MIGA2: variants seen among roughly 807,000 people sequenced by gnomAD.
MIGA2 encodes mitoguardin 2, also known as family with sequence similarity 73, member B.
In MIGA2, 36 loss-of-function variants were observed where a neutral mutation model predicts 69.9. That is an observed-to-expected ratio of 0.52 (90% confidence interval 0.39 to 0.68). The LOEUF is 0.68. Among genes scored for constraint, MIGA2 ranks in the 30% least tolerant of loss-of-function variants. The pLI is 0.00. For synonymous variants in MIGA2, 333 were observed against 349.2 expected (o/e 0.95, Z 0.52); for missense variants, 660 against 787.7 (o/e 0.84, Z 1.94).
intron 3 of MIGA2, among the ~76,000 whole-genome samples, chr9:129,047,659 C>T (rs1028277026): frequency 2.0e-5 from 3 of 151,712 alleles, no homozygotes; most frequent in Admixed American, 2.0e-4. Context: ...GTGATCCACC[C>T]ACCTCGGCCT....
intron 2 of MIGA2, chr9:129,041,994 T>C: frequency 5.3e-6 from 2 of 375,178 alleles, no homozygotes; most frequent in Non-Finnish European, 1.0e-5. Flanking sequence ...CCAGGCTAGG[T>C]CCTAGTGCAG....
intron 3 of MIGA2, 23 bp from the exon 4 acceptor site, chr9:129,048,404 G>T (rs371781913): frequency 1.3e-6 from 2 of 1,599,730 alleles, no homozygotes; most frequent in Non-Finnish European, 1.7e-6. Flanking sequence ...CCTGTGTGAC[G>T]CCTGCCCTTC....
rs1161193152 is a variant in MIGA2, at chr9:129,069,955, C to A, written c.1565C>A (p.Ala522Asp). Residue 522 changes from alanine to aspartate, a missense_variant, in exon 15 of 16, where the codon GCT (alanine) becomes GAT (aspartate). By Grantham distance (126) the Ala-to-Asp change is moderately radical (BLOSUM62 -2). Around this residue, in one of 3 missense-constraint regions of MIGA2, gnomAD observed 220 missense variants for 301.7 expected, o/e 0.73. Transcript: ENST00000684074. The surrounding 1 kb of genome is among the most constrained non-coding windows in gnomAD (Gnocchi z 4.9). ...GPKPQLAEVC[A>D]FFKHQIVQYL... Reference sequence around the variant, plus strand: ...AAGCCTCAGCTTGCTGAAGTCTGTGCTTTCTTCAAGGTAAACAGAGAGCAG... The same window carrying A: ...AAGCCTCAGCTTGCTGAAGTCTGTGATTTCTTCAAGGTAAACAGAGAGCAG... The A allele has an allele frequency of 1.9e-6, 3 of 1,605,764 alleles. No individual in the cohort carries two copies. In the African/African-American group the frequency reaches 4.0e-5, roughly 22 times the overall value.
At chr9:129,042,279 C>T (rs372752583) in intron 2 of MIGA2, 25 bp from the exon 3 acceptor site, 130 of 1,608,474 alleles carry the variant, frequency 8.1e-5, no homozygotes, top group African/African-American at 6.4e-4. Context: ...GAGGTGTAAC[C>T]GGCAGCGTCT....
chr9:129,045,463 A>AAAAAAAGC (rs1554839071), intron 3 of MIGA2, among the ~76,000 whole-genome samples: 2 of 144,858 alleles, frequency 1.4e-5, no homozygotes, highest in African/African-American at 2.7e-5. Context: ...AAAAAAAAAA[A>AAAAAAAGC]AAAAGCAAAA....
intron 6 of MIGA2, among the ~76,000 whole-genome samples, chr9:129,051,658 G>T (rs1341932825): frequency 6.6e-6 from 1 of 151,424 alleles, no homozygotes; most frequent in Non-Finnish European, 1.5e-5. Context: ...GTGCAGTGGC[G>T]TGATCTCGGC....
intron 6 of MIGA2, among the ~76,000 whole-genome samples, chr9:129,050,508 C>T (rs949618698): frequency 6.6e-6 from 1 of 151,418 alleles, no homozygotes; most frequent in Non-Finnish European, 1.5e-5. Flanking sequence ...CTCTTGACCT[C>T]ATGATCCACC....
intron 6 of MIGA2, among the ~76,000 whole-genome samples, chr9:129,056,142 A>C (rs1032178866): frequency 6.6e-6 from 1 of 152,008 alleles, no homozygotes; most frequent in African/African-American, 2.4e-5. Context: ...AAAAAAAAAA[A>C]AAAAAAACTT....
intron 6 of MIGA2, among the ~76,000 whole-genome samples, chr9:129,056,149 A>G (rs1316505627): frequency 6.7e-6 from 1 of 149,880 alleles, no homozygotes; most frequent in African/African-American, 2.5e-5. Context: ...AAAAAAAAAA[A>G]CTTATGTTGT....
At position 129,060,918 on chromosome 9, in the gene MIGA2, G is replaced by T. The variant is rs1232628489; in HGVS notation, c.894+268G>T. The stretch of plus-strand genomic sequence containing the variant: ...CCTTCTCCAGACCGCTGTGCCCATT[G>T]TTTGGCCTCAGTCTCCTGCCATGGG... On this transcript the variant is annotated intron_variant, in intron 8 of 15. Transcript: ENST00000684074. This position sits in a 1 kb window ranked among gnomAD's most constrained non-coding sequence, Gnocchi z 4.8. 6.6e-6 allele frequency among the ~76,000 whole-genome samples: 1 copy of T among 152,234 alleles called. No individual in the cohort carries two copies. The highest frequency in any genetic ancestry group is 1.5e-5 in the Non-Finnish European group (1 of 68,038).
At chr9:129,044,539 G>C (rs895325951) in intron 3 of MIGA2, among the ~76,000 whole-genome samples, 12 of 151,994 alleles carry the variant, frequency 7.9e-5, no homozygotes, top group Admixed American at 7.9e-4. Context: ...TGCAAGGCCA[G>C]GAGTTCTCAT....
At chr9:129,065,281 C>T (rs1370757935) in intron 11 of MIGA2, among the ~76,000 whole-genome samples, 1 of 151,828 alleles carries the variant, frequency 6.6e-6, no homozygotes, top group East Asian at 1.9e-4. Context: ...GCCTGGCCAA[C>T]AGAGTGAGAC....
intron 2 of MIGA2, 49 bp downstream of exon 2, chr9:129,040,739 C>A: frequency 6.5e-7 from 1 of 1,546,682 alleles, no homozygotes; most frequent in African/African-American, 1.4e-5. Context: ...CACTTCCATG[C>A]TCAGCCAAGG....
rs761959378 is a variant in MIGA2, at chr9:129,042,438, C to T, written c.231C>T (p.Pro77=). 21 of 1,611,922 alleles carry T rather than the reference C, an allele frequency of 1.3e-5. No homozygotes were observed. The highest frequency in any genetic ancestry group is 4.4e-5 in the South Asian group (4 of 90,728). ...GGAGGAGGAAGAAGCAGGTTGGTCCCGAGATGGGAGGGGAGCAGCTGGGCA... is the reference window on the plus strand; with the variant it reads ...GGAGGAGGAAGAAGCAGGTTGGTCCTGAGATGGGAGGGGAGCAGCTGGGCA... ...RRRRRKKQVG[P]EMGGEQLGTV... The change falls in exon 3 of 16, where the codon CCC becomes CCT. Residue 77 remains proline, a synonymous_variant. Coordinates refer to ENST00000684074, the MANE Select transcript of MIGA2 (RefSeq NM_001329990.2).
Position 129,063,643 on chromosome 9 carries a change from TG to T in MIGA2, c.1170+16del, listed in dbSNP as rs765429705. 35 of 585,798 alleles carry T rather than the reference TG, an allele frequency of 6.0e-5. No homozygotes were observed. Among genetic ancestry groups the T allele is most frequent in the Non-Finnish European group, 7.5e-5 (27 of 361,288 alleles). 36.3% of individuals were successfully genotyped at this position (585,798 alleles called of 1,614,324 possible). A position where few individuals can be genotyped will look rare whatever the true frequency, so the allele number is the denominator to read the frequency against. ...CCAAGGCTGAGAAGGTAGCAGGGGG[TG>T]GGGTGGGGGGGCAAATTATAAAATG... On this transcript the variant is annotated intron_variant, in intron 11 of 15. Transcript: ENST00000684074.
chr9:129,070,377 G>A lies in MIGA2; in HGVS notation c.1706G>A (p.Gly569Glu). ...RRSEILLGYL[G>E]VPAASSAGVN... ...AGCGAGATATTGCTGGGGTACCTGG[G>A]GGTGCCCGCGGCCAGCAGCGCAGGC... The change falls in exon 16 of 16, where the codon GGG (glycine) becomes GAG (glutamate). Residue 569 changes from glycine to glutamate, a missense_variant. This residue lies in a region of MIGA2 where 220 missense variants were observed against 301.7 expected (regional missense o/e 0.73). Transcript: ENST00000684074. The A allele has an allele frequency of 6.2e-7, 1 of 1,612,502 alleles. No homozygotes were observed. The highest frequency in any genetic ancestry group is 2.2e-5 in the East Asian group (1 of 44,882).
rs780506806 is a variant in MIGA2, at chr9:129,070,463, G to A, written c.*10G>A. 14 of 1,534,014 alleles carry A rather than the reference G, an allele frequency of 9.1e-6. No homozygotes were observed. The highest frequency in any genetic ancestry group is 1.4e-5 in the African/African-American group (1 of 73,048). On this transcript the variant is annotated 3_prime_UTR_variant, in exon 16 of 16. Transcript: ENST00000684074. Reference sequence around the variant, plus strand: ...GGGGGAGCTGCAGTAGAGGCGGCACGGGCTGGGGGGTGGCAGAGAGAAGGC... The same window carrying A: ...GGGGGAGCTGCAGTAGAGGCGGCACAGGCTGGGGGGTGGCAGAGAGAAGGC...
At chr9:129,070,169 A>G in intron 15 of MIGA2, 78 bp from the exon 16 acceptor site, 1 of 1,517,620 alleles carries the variant, frequency 6.6e-7, no homozygotes, top group Non-Finnish European at 9.1e-7. Context: ...GTGGTGGACA[A>G]GGGGACTTCA....
In MIGA2 at chr9:129,059,862, T is replaced by G. The variant is rs17481442; in HGVS notation, c.793+591T>G. Among the ~76,000 whole-genome samples, 182 of 152,168 alleles carry G rather than the reference T, an allele frequency of 1.2e-3. 4 individuals carry two copies. In the East Asian group the frequency reaches 0.021, roughly 17 times the overall value. ...GGGTCCAGCTGCCTGGCTCTGCCAG[T>G]GGAGACACAGAACCGGAGTGGGTCG... On this transcript the variant is annotated intron_variant, in intron 7 of 15. Transcript: ENST00000684074. The surrounding 1 kb of genome is among the most constrained non-coding windows in gnomAD (Gnocchi z 5.6).
Sources: gnomAD v4.1 joint callset for allele counts (sites outside exome capture counted in the v4.1 genomes callset) on GRCh38, gnomAD v4.1.1 for gene constraint, gnomAD v4.1.1 regional missense constraint, Gnocchi (gnomAD v3.1) non-coding constraint, MANE v1.5 for transcripts, NCBI Gene and HGNC (gene_info 2026-07-23, HGNC 2026-07-21) for gene names.